ATP2B1: variants seen among roughly 807,000 people sequenced by gnomAD.
The protein encoded by ATP2B1 is plasma membrane calcium-transporting ATPase 1.
A neutral mutation model predicts 124.2 loss-of-function variants in ATP2B1; 14 were observed. The observed-to-expected ratio is 0.11, with a 90% confidence interval of 0.07 to 0.18. The LOEUF is 0.18. Among genes scored for constraint, ATP2B1 ranks in the 10% least tolerant of loss-of-function variants. The pLI, the probability that ATP2B1 is intolerant of heterozygous loss-of-function variation, is 1.00. For missense variants in ATP2B1, 763 were observed against 1,466.1 expected (o/e 0.52, Z 7.83); for synonymous variants, 449 against 492.4 (o/e 0.91, Z 1.17).
At chr12:89,632,688 T>C (rs1372800074) in intron 5 of ATP2B1, among the ~76,000 whole-genome samples, 3 of 152,164 alleles carry the variant, frequency 2.0e-5, no homozygotes, top group Admixed American at 6.5e-5. Flanking sequence ...AGAGATGGCA[T>C]CATGAGAGTA....
chr12:89,646,112 G>A (rs1294226191), intron 2 of ATP2B1, among the ~76,000 whole-genome samples: 1 of 151,914 alleles, frequency 6.6e-6, no homozygotes, highest in Non-Finnish European at 1.5e-5. Flanking sequence ...CGAGGGGGAG[G>A]GGTCTTCAAG....
chr12:89,659,340 T>C (rs1886384272), intron 1 of ATP2B1, among the ~76,000 whole-genome samples: 1 of 148,516 alleles, frequency 6.7e-6, no homozygotes, highest in Non-Finnish European at 1.5e-5. Context: ...CTGTTGGTAG[T>C]CTTTGAGGTA....
At chr12:89,657,378 G>A (rs150718261) in intron 1 of ATP2B1, among the ~76,000 whole-genome samples, 1 of 152,202 alleles carries the variant, frequency 6.6e-6, no homozygotes, top group African/African-American at 2.4e-5. Flanking sequence ...TTTTGAAATA[G>A]GCATCATGCC....
intron 1 of ATP2B1, among the ~76,000 whole-genome samples, chr12:89,660,445 G>T (rs1362787774): frequency 6.6e-6 from 1 of 152,128 alleles, no homozygotes; most frequent in Admixed American, 6.5e-5. Context: ...AAAGACAAAA[G>T]TTCAGTTTAC....
intron 1 of ATP2B1, among the ~76,000 whole-genome samples, chr12:89,678,967 A>G (rs916249495): frequency 6.6e-6 from 1 of 152,086 alleles, no homozygotes; most frequent in African/African-American, 2.4e-5. Flanking sequence ...CTACATTTAC[A>G]TTTCCCATTT....
intron 7 of ATP2B1, among the ~76,000 whole-genome samples, chr12:89,627,085 G>A (rs192210559): frequency 8.5e-4 from 129 of 152,072 alleles, no homozygotes; most frequent in Non-Finnish European, 1.4e-3. Flanking sequence ...AATAACCAGC[G>A]TTCAAATACT....
intron 3 of ATP2B1, among the ~76,000 whole-genome samples, chr12:89,638,725 T>C (rs1317912066): frequency 2.0e-5 from 3 of 152,210 alleles, no homozygotes; most frequent in African/African-American, 4.8e-5. Flanking sequence ...TTTACTGCAG[T>C]ATGATTGATA....
chr12:89,604,047 AC>A (rs1370734933), intron 16 of ATP2B1, 107 bp downstream of exon 16: 46 of 1,402,308 alleles, frequency 3.3e-5, no homozygotes, highest in Non-Finnish European at 4.4e-5. Flanking sequence ...ATATTAACTA[AC>A]CTAAAATATT....
At chr12:89,703,124 T>C (rs1193930567) in intron 1 of ATP2B1, among the ~76,000 whole-genome samples, 1 of 152,178 alleles carries the variant, frequency 6.6e-6, no homozygotes, top group East Asian at 1.9e-4. Context: ...GCTTTGAAAT[T>C]AATTTTATTA....
chr12:89,680,756 T>C (rs1889239860), intron 1 of ATP2B1, among the ~76,000 whole-genome samples: 1 of 152,058 alleles, frequency 6.6e-6, no homozygotes, highest in African/African-American at 2.4e-5. Flanking sequence ...TCCGGAAAAC[T>C]GGACCTAGAA....
intron 1 of ATP2B1, among the ~76,000 whole-genome samples, chr12:89,695,022 C>G (rs540465993): frequency 1.4e-5 from 2 of 142,318 alleles, no homozygotes; most frequent in Non-Finnish European, 3.0e-5. Context: ...CGTGCCATTG[C>G]ACTCCAGCCT....
chr12:89,627,801 A>T (rs964788704), intron 6 of ATP2B1, 85 bp from the exon 7 acceptor site: 1 of 1,395,574 alleles, frequency 7.2e-7, no homozygotes, highest in Non-Finnish European at 1.0e-6. Context: ...TCACATTTCT[A>T]TAACAGTTGT....
chr12:89,696,458 C>T (rs1490628912), intron 1 of ATP2B1, among the ~76,000 whole-genome samples: 1 of 151,920 alleles, frequency 6.6e-6, no homozygotes, highest in East Asian at 1.9e-4. Context: ...TAGGATACAA[C>T]ATTATTAAAA....
At chr12:89,703,050 T>C (rs1440076042) in intron 1 of ATP2B1, among the ~76,000 whole-genome samples, 1 of 152,198 alleles carries the variant, frequency 6.6e-6, no homozygotes, top group African/African-American at 2.4e-5. Flanking sequence ...CCTTAAGGTG[T>C]AGCCAACAAG....
rs145355576 is a variant in ATP2B1 at position 89,643,065 on chromosome 12, TACACACAC to T, written c.209-718_209-711del. ...TGGGAAGTTTATATATAAAGATACA[TACACACAC>T]ACACACACACACACACACATATATA... is the stretch of plus-strand genomic sequence containing the variant. On this transcript the variant is annotated intron_variant, in intron 2 of 20. Transcript: ENST00000428670. Among the ~76,000 whole-genome samples the T allele has an allele frequency of 1.5e-4, 22 of 143,636 alleles. No homozygotes were observed. The East Asian group carries it at 2.0e-3, about 13-fold the overall frequency. The allele number at this position is 143,636 out of a possible 152,430, so 94.2% of individuals were successfully genotyped here.
chr12:89,701,098 T>C (rs1891793409), intron 1 of ATP2B1, among the ~76,000 whole-genome samples: 1 of 152,214 alleles, frequency 6.6e-6, no homozygotes, highest in Non-Finnish European at 1.5e-5. Flanking sequence ...GAATAATCCA[T>C]TGCTATACTC....
chr12:89,692,984 G>A (rs1185238754), intron 1 of ATP2B1, among the ~76,000 whole-genome samples: 2 of 152,144 alleles, frequency 1.3e-5, no homozygotes, highest in Non-Finnish European at 2.9e-5. Flanking sequence ...GCCACACTGA[G>A]GATGTACTGT....
At chr12:89,675,786 T>C (rs144618454) in intron 1 of ATP2B1, among the ~76,000 whole-genome samples, 40 of 152,270 alleles carry the variant, frequency 2.6e-4, no homozygotes, top group African/African-American at 9.4e-4. Flanking sequence ...GACACATTTA[T>C]AATTCCAGTG....
chr12:89,701,729 G>C (rs958975357), intron 1 of ATP2B1, among the ~76,000 whole-genome samples: 2 of 151,930 alleles, frequency 1.3e-5, no homozygotes, highest in African/African-American at 4.8e-5. Flanking sequence ...TTTTTTGTTT[G>C]GTAAACAGGT....
Sources: gnomAD v4.1 joint callset for allele counts (sites outside exome capture counted in the v4.1 genomes callset) on GRCh38, gnomAD v4.1.1 for gene constraint, MANE v1.5 for transcripts, NCBI Gene and HGNC (gene_info 2026-07-23, HGNC 2026-07-21) for gene names.